The following ULK4 variants were observed in gnomAD, a reference collection of about 807,000 sequenced individuals.
The protein encoded by ULK4 is unc-51 like kinase 4.
In ULK4, 133 loss-of-function variants were observed where a neutral mutation model predicts 160.6. The observed-to-expected ratio is 0.83, with a 90% CI of 0.72 to 0.96. The LOEUF (loss-of-function observed/expected upper bound fraction) is 0.96, where lower values mean the gene tolerates loss of function less well. ULK4 is among the 40% of genes least tolerant of loss of function. The pLI, the probability that ULK4 is intolerant of heterozygous loss-of-function variation, is 0.00. For missense variants in ULK4, 1,580 were observed against 1,499.5 expected (o/e 1.05, Z -0.89); for synonymous variants, 534 against 539.8 (o/e 0.99, Z 0.15).
intron 31 of ULK4, among the ~76,000 whole-genome samples, chr3:41,573,812 A>T (rs1203107054): frequency 6.6e-6 from 1 of 152,202 alleles, no homozygotes; most frequent in African/African-American, 2.4e-5. Flanking sequence ...TGGTGCATCC[A>T]GTCACTTTCT....
At chr3:41,641,739 C>T (rs1199131357) in intron 30 of ULK4, among the ~76,000 whole-genome samples, 1 of 151,650 alleles carries the variant, frequency 6.6e-6, no homozygotes, top group Admixed American at 6.6e-5. Context: ...AAATTCTGAA[C>T]ATGCTTAAAC....
intron 32 of ULK4, among the ~76,000 whole-genome samples, chr3:41,557,480 G>A (rs944305125): frequency 4.6e-5 from 7 of 151,838 alleles, no homozygotes; most frequent in African/African-American, 7.2e-5. Context: ...AACAGATTGC[G>A]GCCAGGCATG....
At chr3:41,439,966 C>T (rs2083125639) in intron 34 of ULK4, among the ~76,000 whole-genome samples, 1 of 152,134 alleles carries the variant, frequency 6.6e-6, no homozygotes, top group Non-Finnish European at 1.5e-5. Context: ...TATTTTTATG[C>T]TATTGCAAAA....
intron 16 of ULK4, among the ~76,000 whole-genome samples, chr3:41,885,258 T>C (rs1486900463): frequency 6.6e-6 from 1 of 152,212 alleles, no homozygotes; most frequent in Admixed American, 6.5e-5. Flanking sequence ...AAAATAAAAA[T>C]GTATCAACAT....
At position 41,912,836 on chromosome 3, in the gene ULK4, C is replaced by G. The variant is rs1162554688; in HGVS notation, c.867G>C (p.Gln289His). Reference sequence around the variant, plus strand: ...GACTGAGATCTTCGACGCTTGATTCCTGATCTGCTCCAGCAAAAGCTTTCT... The same window carrying G: ...GACTGAGATCTTCGACGCTTGATTCGTGATCTGCTCCAGCAAAAGCTTTCT... ...FWKKAFAGADQESSVEDLSLS... is the reference protein window; with the variant it reads ...FWKKAFAGADHESSVEDLSLS... The change falls in exon 9 of 37, where the codon CAG (glutamine) becomes CAC (histidine). Residue 289 changes from glutamine to histidine, a missense_variant. Physicochemically the swap from Gln to His is conservative, Grantham distance 24 (BLOSUM62 0). Coordinates refer to ENST00000301831, the MANE Select transcript of ULK4 (RefSeq NM_017886.4). 1 of 1,614,126 alleles carries G rather than the reference C, an allele frequency of 6.2e-7. No homozygotes were observed. The highest frequency in any genetic ancestry group is 1.3e-5 in the African/African-American group (1 of 75,040).
intron 17 of ULK4, among the ~76,000 whole-genome samples, chr3:41,853,896 G>A (rs930863623): frequency 1.3e-5 from 2 of 152,146 alleles, no homozygotes; most frequent in Non-Finnish European, 2.9e-5. Context: ...TAACATGCAT[G>A]TTTACTTTCC....
rs1349590666 is a variant in ULK4, at chr3:41,494,333, T to G, written c.3227-31080A>C. Among the ~76,000 whole-genome samples the G allele has an allele frequency of 3.2e-5, 4 of 123,804 alleles. No homozygotes were observed. The East Asian group carries it at 8.1e-4, about 25-fold the overall frequency. 81.2% of individuals were successfully genotyped at this position (123,804 alleles called of 152,430 possible). On this transcript the variant is annotated intron_variant, in intron 32 of 36. Coordinates refer to ENST00000301831, the MANE Select transcript of ULK4 (RefSeq NM_017886.4). The stretch of plus-strand genomic sequence containing the variant: ...AACAGAACCAAAGACAAAAACCACA[T>G]GATTATCTCAATAGATGCAGAAAAG...
At chr3:41,602,627 T>C (rs1330517042) in intron 31 of ULK4, among the ~76,000 whole-genome samples, 2 of 152,254 alleles carry the variant, frequency 1.3e-5, no homozygotes, top group East Asian at 1.9e-4. Flanking sequence ...AATAAAGTTA[T>C]ATAAAAATTT....
At chr3:41,710,301 A>AG (rs1441143254) in intron 25 of ULK4, among the ~76,000 whole-genome samples, 3 of 152,080 alleles carry the variant, frequency 2.0e-5, no homozygotes, top group African/African-American at 7.2e-5. Context: ...TCAGTGTAAT[A>AG]GGGAGTAATG....
chr3:41,616,947 C>A (rs912772537), intron 30 of ULK4, among the ~76,000 whole-genome samples: 9 of 152,120 alleles, frequency 5.9e-5, no homozygotes, highest in Non-Finnish European at 1.0e-4. Flanking sequence ...AGCATGGTAG[C>A]GGAGGGGAAT....
At position 41,701,223 on chromosome 3, in the gene ULK4, A is replaced by G. The variant is rs140246163; in HGVS notation, c.2781+3834T>C. On this transcript the variant is annotated intron_variant, in intron 27 of 36. Transcript: ENST00000301831. ...AGAACAATCCACAGATTCAAGCAGC[A>G]CAGAGAATCCTCAACAGAATAAGTA... 1.2e-4 allele frequency among the ~76,000 whole-genome samples: 18 copies of G among 152,290 alleles called. No homozygotes were observed. In the East Asian group the frequency reaches 2.7e-3, roughly 23 times the overall value.
At chr3:41,792,914 C>T (rs769868007) in intron 20 of ULK4, among the ~76,000 whole-genome samples, 1 of 152,234 alleles carries the variant, frequency 6.6e-6, no homozygotes, top group Admixed American at 6.5e-5. Flanking sequence ...GTGGCTCACG[C>T]CTGCAATCCC....
intron 30 of ULK4, among the ~76,000 whole-genome samples, chr3:41,634,336 G>A (rs1355884920): frequency 1.3e-5 from 2 of 152,270 alleles, no homozygotes; most frequent in African/African-American, 2.4e-5. Flanking sequence ...AACTCTGCCT[G>A]AAGCATCCCC....
chr3:41,323,552 T>G lies in ULK4; in HGVS notation c.3679-73978A>C, dbSNP rs538389899. Among the ~76,000 whole-genome samples, 4 of 152,200 alleles carry G rather than the reference T, an allele frequency of 2.6e-5. No individual in the cohort carries two copies. In the East Asian group the frequency reaches 5.8e-4, roughly 22 times the overall value. The stretch of plus-strand genomic sequence containing the variant: ...GCTAATTAGGGTTTATACTACTGAC[T>G]AAAGATCTTCATTGGTCTCAGCACT... On this transcript the variant is annotated intron_variant, in intron 35 of 36. Transcript: ENST00000301831.
At chr3:41,328,526 GAT>G (rs1398470154) in intron 35 of ULK4, among the ~76,000 whole-genome samples, 2 of 152,136 alleles carry the variant, frequency 1.3e-5, no homozygotes, top group East Asian at 3.9e-4. Flanking sequence ...GCAACATACT[GAT>G]AGTTTCTAGA....
intron 32 of ULK4, among the ~76,000 whole-genome samples, chr3:41,519,989 G>T (rs1440600959): frequency 6.6e-6 from 1 of 152,150 alleles, no homozygotes; most frequent in African/African-American, 2.4e-5. Flanking sequence ...CCTCTCACCA[G>T]CAGAATGTGA....
At chr3:41,645,678 G>C (rs1043104546) in intron 30 of ULK4, among the ~76,000 whole-genome samples, 1 of 152,196 alleles carries the variant, frequency 6.6e-6, no homozygotes, top group African/African-American at 2.4e-5. Context: ...GTTGATTTGG[G>C]GTGGAGAGTT....
intron 21 of ULK4, among the ~76,000 whole-genome samples, chr3:41,776,456 C>G (rs1173086352): frequency 6.7e-6 from 1 of 150,236 alleles, no homozygotes; most frequent in Non-Finnish European, 1.5e-5. Flanking sequence ...ACTCAAATGT[C>G]AACAAAAAAA....
At position 41,733,558 on chromosome 3, in the gene ULK4, T is replaced by C. The variant is rs185561477; in HGVS notation, c.2322-15697A>G. Among the ~76,000 whole-genome samples, 13 of 151,918 alleles carry C rather than the reference T, an allele frequency of 8.6e-5. No individual in the cohort carries two copies. The East Asian group carries it at 2.5e-3, about 29-fold the overall frequency. On this transcript the variant is annotated intron_variant, in intron 22 of 36. Transcript: ENST00000301831. ...AAAAATAAATGTGTAACTATAATAA[T>C]AAATTAAATATTTATAAAAAGAGGT...
Sources: allele counts gnomAD v4.1 joint callset (sites outside exome capture counted in the v4.1 genomes callset), GRCh38; gene constraint gnomAD v4.1.1; transcripts MANE v1.5; gene names NCBI Gene and HGNC (gene_info 2026-07-23, HGNC 2026-07-21).